LMX1B: variants seen among roughly 807,000 people sequenced by gnomAD.
The protein encoded by LMX1B is LIM homeobox transcription factor 1 beta.
Under a neutral mutation model 51.4 loss-of-function variants are expected in LMX1B, and 12 were observed. The observed-to-expected ratio is 0.23, with a 90% confidence interval of 0.15 to 0.38. LMX1B has a LOEUF of 0.38. LMX1B is among the 10% of genes least tolerant of loss of function. LMX1B has a pLI of 1.00. For missense variants in LMX1B, 445 were observed against 571.1 expected (o/e 0.78, Z 2.25); for synonymous variants, 237 against 235.4 (o/e 1.01, Z -0.06).
At chr9:126,629,444 A>G (rs1417248471) in intron 2 of LMX1B, among the ~76,000 whole-genome samples, 4 of 152,204 alleles carry the variant, frequency 2.6e-5, no homozygotes, top group Non-Finnish European at 5.9e-5. Flanking sequence ...CAGGTAAGAC[A>G]ACCGAGGCAC....
chr9:126,638,208 C>T (rs915690956), intron 2 of LMX1B, among the ~76,000 whole-genome samples: 20 of 152,108 alleles, frequency 1.3e-4, no homozygotes, highest in Admixed American at 1.2e-3. Context: ...AGGTGGGTCC[C>T]GACAGGAATG....
chr9:126,693,611 C>T lies in LMX1B; in HGVS notation c.819+10C>T, dbSNP rs1261006209. 28 of 1,613,856 alleles carry T rather than the reference C, an allele frequency of 1.7e-5. No individual in the cohort carries two copies. Among genetic ancestry groups the T allele is most frequent in the Non-Finnish European group, 2.4e-5 (28 of 1,179,854 alleles). On this transcript the variant is annotated intron_variant, in intron 5 of 7. Coordinates refer to ENST00000373474, the MANE Select transcript of LMX1B (RefSeq NM_001174147.2). ...GAACCAAAGAGCAAAGGTAAGAGGCCACCCCCCATCCCCACTGGCCCCGGG... is the reference window on the plus strand; with the variant it reads ...GAACCAAAGAGCAAAGGTAAGAGGCTACCCCCCATCCCCACTGGCCCCGGG...
At chr9:126,640,233 G>C (rs1028716663) in intron 2 of LMX1B, among the ~76,000 whole-genome samples, 2 of 152,210 alleles carry the variant, frequency 1.3e-5, no homozygotes, top group Non-Finnish European at 2.9e-5. Context: ...AGGGAGCTGG[G>C]GCTGAGGTGT....
chr9:126,636,326 G>T (rs377605809), intron 2 of LMX1B, among the ~76,000 whole-genome samples: 3 of 152,148 alleles, frequency 2.0e-5, no homozygotes, highest in Non-Finnish European at 4.4e-5. Flanking sequence ...GCTTCCTGGA[G>T]GGAGAGCTGT....
intron 2 of LMX1B, among the ~76,000 whole-genome samples, chr9:126,639,843 T>TG (rs930267639): frequency 2.6e-5 from 4 of 152,226 alleles, no homozygotes; most frequent in Admixed American, 2.6e-4. Context: ...TTCTCATATG[T>TG]GGGGCTGTGA....
At chr9:126,680,898 C>A (rs1239034803) in intron 2 of LMX1B, among the ~76,000 whole-genome samples, 1 of 152,126 alleles carries the variant, frequency 6.6e-6, no homozygotes, top group African/African-American at 2.4e-5. Flanking sequence ...GCTCTTCTAG[C>A]CTGGACTAGA....
chr9:126,675,192 C>T (rs888239193), intron 2 of LMX1B, among the ~76,000 whole-genome samples: 2 of 152,048 alleles, frequency 1.3e-5, no homozygotes, highest in Admixed American at 1.3e-4. Flanking sequence ...CAAAATACAC[C>T]CAAAACCAGG....
chr9:126,649,652 G>C (rs1051348353), intron 2 of LMX1B, among the ~76,000 whole-genome samples: 1 of 152,142 alleles, frequency 6.6e-6, no homozygotes, highest in Admixed American at 6.5e-5. Context: ...TTGAGACAGG[G>C]TCTTGCTCTG....
intron 2 of LMX1B, among the ~76,000 whole-genome samples, chr9:126,676,496 A>G (rs962978677): frequency 1.3e-5 from 2 of 152,194 alleles, no homozygotes; most frequent in Admixed American, 1.3e-4. Context: ...ACTCCATGCC[A>G]TGGGGCTTGG....
chr9:126,616,431 T>C (rs1229723433), intron 2 of LMX1B, among the ~76,000 whole-genome samples: 1 of 152,204 alleles, frequency 6.6e-6, no homozygotes, highest in Non-Finnish European at 1.5e-5. Context: ...CAACAGGACA[T>C]GCAGGCTTTT....
intron 2 of LMX1B, among the ~76,000 whole-genome samples, chr9:126,628,678 A>G (rs892255882): frequency 1.7e-4 from 26 of 152,194 alleles, no homozygotes; most frequent in African/African-American, 5.8e-4. Context: ...CCTTATTAAC[A>G]TTCTCTAAAG....
At chr9:126,668,469 T>TATTATTA (rs1564161277) in intron 2 of LMX1B, among the ~76,000 whole-genome samples, 1 of 151,656 alleles carries the variant, frequency 6.6e-6, no homozygotes, top group Non-Finnish European at 1.5e-5. Flanking sequence ...TTATTATTAT[T>TATTATTA]TTGAGATGGA....
At chr9:126,629,809 C>T (rs1277538495) in intron 2 of LMX1B, among the ~76,000 whole-genome samples, 2 of 151,800 alleles carry the variant, frequency 1.3e-5, no homozygotes, top group East Asian at 3.9e-4. Flanking sequence ...CTGATGATTG[C>T]CAGCTTCAGA....
At chr9:126,693,092 C>A in intron 3 of LMX1B, 50 bp from the exon 4 acceptor site, 1 of 1,532,696 alleles carries the variant, frequency 6.5e-7, no homozygotes, top group Admixed American at 2.0e-5. Context: ...AAGGCTGAGG[C>A]CTGGGCTGCC....
At chr9:126,660,006 C>T (rs1411483188) in intron 2 of LMX1B, among the ~76,000 whole-genome samples, 5 of 86,950 alleles carry the variant, frequency 5.8e-5, no homozygotes, top group Admixed American at 1.1e-4. Context: ...CTACACTGGC[C>T]TTGGAAATTG....
At chr9:126,647,850 G>A (rs1172815535) in intron 2 of LMX1B, among the ~76,000 whole-genome samples, 1 of 152,242 alleles carries the variant, frequency 6.6e-6, no homozygotes, top group African/African-American at 2.4e-5. Flanking sequence ...CAGCCAGCCT[G>A]AGGCAGTTCC....
intron 1 of LMX1B, among the ~76,000 whole-genome samples, chr9:126,614,931 G>A (rs889946317): frequency 5.3e-5 from 8 of 152,226 alleles, no homozygotes; most frequent in Non-Finnish European, 8.8e-5. Flanking sequence ...CCTGGGGTGG[G>A]GGAGATTCTA....
At chr9:126,694,060 G>A (rs2030244919) in intron 6 of LMX1B, among the ~76,000 whole-genome samples, 3 of 152,210 alleles carry the variant, frequency 2.0e-5, no homozygotes, top group African/African-American at 7.2e-5. Flanking sequence ...AAACCACTGA[G>A]ACAGAGAAAT....
At position 126,637,833 on chromosome 9, in the gene LMX1B, C is replaced by T. The variant is rs868672225; in HGVS notation, c.326+22264C>T. Among the ~76,000 whole-genome samples, 472 of 137,564 alleles carry T rather than the reference C, an allele frequency of 3.4e-3. 7 individuals carry two copies. The highest frequency in any genetic ancestry group is 0.012 in the African/African-American group (447 of 36,810). The allele number at this position is 137,564 out of a possible 152,430, so 90.2% of individuals were successfully genotyped here. On this transcript the variant is annotated intron_variant, in intron 2 of 7. Transcript: ENST00000373474. The stretch of plus-strand genomic sequence containing the variant: ...TGTGGTGCCTGTCCTCCCCCCCCCC[C>T]GCCCCCCGCTCTCTGTACTGGGAAC...
Sources: allele counts gnomAD v4.1 joint callset (sites outside exome capture counted in the v4.1 genomes callset), GRCh38; gene constraint gnomAD v4.1.1; transcripts MANE v1.5; gene names NCBI Gene and HGNC (gene_info 2026-07-23, HGNC 2026-07-21).